LPIN2: variants seen among roughly 807,000 people sequenced by gnomAD.
LPIN2 encodes phosphatidate phosphatase LPIN2.
A neutral mutation model predicts 111.4 loss-of-function variants in LPIN2; 55 were observed. The observed-to-expected ratio is 0.49, with a 90% CI of 0.40 to 0.62. LPIN2 has a LOEUF of 0.62. Among genes scored for constraint, LPIN2 ranks in the 20% least tolerant of loss-of-function variants. The pLI is 0.00. For synonymous variants in LPIN2, 425 were observed against 414.0 expected (o/e 1.03, Z -0.32); for missense variants, 992 against 1,112.1 (o/e 0.89, Z 1.54).
In LPIN2 at chr18:2,917,626, G is replaced by C. The variant is rs2076989054; in HGVS notation, c.*2667C>G. 1.3e-5 allele frequency: 2 copies of C among 152,164 alleles called. No individual in the cohort carries two copies. Among genetic ancestry groups the C allele is most frequent in the Non-Finnish European group, 2.9e-5 (2 of 68,036 alleles). The allele number at this position is 152,164 out of a possible 1,614,324, so 9.4% of individuals were successfully genotyped here. ...TCTTTTTCCAGTTGAAAACTATGCA[G>C]ATGTTTTTAGACAGAGCAAAACACA... is the stretch of plus-strand genomic sequence containing the variant. On this transcript the variant is annotated 3_prime_UTR_variant, in exon 20 of 20. Transcript: ENST00000677752.
chr18:2,928,473 T>G, intron 11 of LPIN2, 118 bp downstream of exon 11: 1 of 979,472 alleles, frequency 1.0e-6, no homozygotes. Flanking sequence ...ATATTAAATA[T>G]TAAGCTCAAG....
chr18:2,922,343 C>T (rs552309907), intron 16 of LPIN2, 144 bp from the exon 17 acceptor site: 169 of 879,768 alleles, frequency 1.9e-4, no homozygotes, highest in Non-Finnish European at 2.8e-4. Flanking sequence ...GGCGCCATCT[C>T]GGCTCACTGC....
intron 1 of LPIN2, among the ~76,000 whole-genome samples, chr18:2,997,287 T>C (rs2078360299): frequency 2.0e-5 from 3 of 152,114 alleles, no homozygotes; most frequent in African/African-American, 7.2e-5. Flanking sequence ...TGGACTCATT[T>C]TTGTTTTTTG....
intron 1 of LPIN2, among the ~76,000 whole-genome samples, chr18:2,978,348 A>G (rs2078053875): frequency 6.6e-6 from 1 of 152,216 alleles, no homozygotes; most frequent in Non-Finnish European, 1.5e-5. Context: ...TAATCAAGTG[A>G]TCGGGAAAAC....
chr18:2,966,659 T>C (rs1248067783), intron 1 of LPIN2, among the ~76,000 whole-genome samples: 2 of 152,194 alleles, frequency 1.3e-5, no homozygotes, highest in Admixed American at 6.5e-5. Flanking sequence ...GCAATCTGAG[T>C]ATCATTTTTA....
chr18:3,009,643 G>A (rs1190455857), intron 1 of LPIN2, among the ~76,000 whole-genome samples: 2 of 151,926 alleles, frequency 1.3e-5, no homozygotes, highest in Non-Finnish European at 2.9e-5. Flanking sequence ...GTTTCACCAC[G>A]TTGGCCAGGC....
chr18:2,921,917 G>T (rs897908392), intron 17 of LPIN2, 130 bp downstream of exon 17: 2 of 1,289,252 alleles, frequency 1.6e-6, no homozygotes, highest in African/African-American at 3.0e-5. Flanking sequence ...ACACCACCAG[G>T]GACCAAAGAA....
chr18:2,933,903 C>G (rs2077248310), intron 8 of LPIN2, among the ~76,000 whole-genome samples: 1 of 152,162 alleles, frequency 6.6e-6, no homozygotes, highest in South Asian at 2.1e-4. Flanking sequence ...GGGGCAGTGC[C>G]CCACCAGACC....
intron 8 of LPIN2, among the ~76,000 whole-genome samples, chr18:2,932,650 C>T (rs959755738): frequency 6.6e-6 from 1 of 152,208 alleles, no homozygotes; most frequent in Non-Finnish European, 1.5e-5. Flanking sequence ...GGGCACACGG[C>T]GAGGCCCCCT....
chr18:2,945,550 T>C (rs755260407), intron 4 of LPIN2: 55 of 1,427,014 alleles, frequency 3.9e-5, no homozygotes, highest in Non-Finnish European at 5.3e-5. Flanking sequence ...TCCCACTCAA[T>C]CTGCTGTGTC....
intron 1 of LPIN2, chr18:2,982,634 G>C (rs542746452): frequency 1.9e-6 from 2 of 1,063,002 alleles, no homozygotes; most frequent in Admixed American, 2.3e-5. Context: ...AGCAAGCAGC[G>C]AAGGGAGCAG....
intron 4 of LPIN2, chr18:2,945,996 T>C: frequency 2.9e-6 from 4 of 1,385,202 alleles, no homozygotes; most frequent in Non-Finnish European, 4.1e-6. Flanking sequence ...GGAAAATAGG[T>C]ACTCCAGAAT....
intron 6 of LPIN2, among the ~76,000 whole-genome samples, chr18:2,939,153 C>T (rs2077334013): frequency 1.3e-5 from 2 of 152,134 alleles, no homozygotes; most frequent in Non-Finnish European, 2.9e-5. Context: ...AGAGCAAGAA[C>T]TCTGTCTCCA....
At chr18:2,982,894 G>A in intron 1 of LPIN2, 15 of 340,714 alleles carry the variant, frequency 4.4e-5, no homozygotes, top group South Asian at 7.2e-5. Context: ...AAACTGAAAG[G>A]AAATGGTTCT....
intron 2 of LPIN2, among the ~76,000 whole-genome samples, chr18:2,958,065 C>T (rs2077640213): frequency 7.4e-6 from 1 of 135,620 alleles, no homozygotes; most frequent in South Asian, 2.4e-4. Context: ...ACGCTTGAAT[C>T]AGGGAGGCGG....
At chr18:2,963,301 A>G (rs1415254395) in intron 1 of LPIN2, among the ~76,000 whole-genome samples, 3 of 152,154 alleles carry the variant, frequency 2.0e-5, no homozygotes, top group South Asian at 2.1e-4. Context: ...GGCATGAGGG[A>G]TATGTTAAAC....
At chr18:2,957,493 C>T (rs2077630693) in intron 2 of LPIN2, among the ~76,000 whole-genome samples, 1 of 152,188 alleles carries the variant, frequency 6.6e-6, no homozygotes. Flanking sequence ...GGATACTCAA[C>T]CTGTATTTCT....
intron 8 of LPIN2, among the ~76,000 whole-genome samples, chr18:2,932,904 G>C (rs1308562587): frequency 6.6e-6 from 1 of 152,136 alleles, no homozygotes; most frequent in African/African-American, 2.4e-5. Flanking sequence ...TCTTCACAGG[G>C]GCAAGAAACA....
rs2076981401 is a variant in LPIN2, at chr18:2,917,120, T to C, written c.*3173A>G. On this transcript the variant is annotated 3_prime_UTR_variant, in exon 20 of 20. Coordinates refer to ENST00000677752, the MANE Select transcript of LPIN2 (RefSeq NM_001375808.2). ...GTAACTAAGAGTACTGTACTGATGA[T>C]GTTTACAATTAACTTTGGACAACTT... 6.6e-6 allele frequency: 1 copy of C among 152,256 alleles called. No individual in the cohort carries two copies. Among genetic ancestry groups the C allele is most frequent in the Admixed American group, 6.5e-5 (1 of 15,288 alleles). The allele number at this position is 152,256 out of a possible 1,614,324, so 9.4% of individuals were successfully genotyped here.
Sources: gnomAD v4.1 joint callset for allele counts (sites outside exome capture counted in the v4.1 genomes callset) on GRCh38, gnomAD v4.1.1 for gene constraint, MANE v1.5 for transcripts, NCBI Gene and HGNC (gene_info 2026-07-23, HGNC 2026-07-21) for gene names.